The following CFAP54 variants were observed in gnomAD, a reference collection of about 807,000 sequenced individuals.
The protein encoded by CFAP54 is cilia- and flagella-associated protein 54.
Under a neutral mutation model 370.4 loss-of-function variants are expected in CFAP54, and 290 were observed. The observed-to-expected ratio is 0.78, with a 90% CI of 0.71 to 0.86. CFAP54 has a LOEUF of 0.86. Among genes scored for constraint, CFAP54 ranks in the 40% least tolerant of loss-of-function variants. The pLI is 0.00. For synonymous variants in CFAP54, 1,206 were observed against 1,236.5 expected, an observed-to-expected ratio of 0.98 and a Z score of 0.52; for missense variants, 3,399 against 3,528.7, an observed-to-expected ratio of 0.96 and a Z score of 0.93.
intron 2 of CFAP54, among the ~76,000 whole-genome samples, chr12:96,501,480 G>A (rs1396625887): frequency 2.0e-5 from 3 of 152,198 alleles, no homozygotes; most frequent in African/African-American, 7.2e-5. Flanking sequence ...ATGAGTTTGT[G>A]TCCTTCTTTT....
At chr12:96,676,784 C>T (rs1957213909) in intron 39 of CFAP54, among the ~76,000 whole-genome samples, 1 of 152,002 alleles carries the variant, frequency 6.6e-6, no homozygotes, top group African/African-American at 2.4e-5. Flanking sequence ...GCCTTGGCCT[C>T]CCAAAGAGCT....
chr12:96,811,675 G>A (rs1250910085), intron 63 of CFAP54, 61 bp from the exon 64 acceptor site: 1 of 869,080 alleles, frequency 1.2e-6, no homozygotes, highest in Admixed American at 3.2e-5. Flanking sequence ...TAATGCTGTA[G>A]TTTTTGAGCT....
At chr12:96,553,254 C>G (rs758277926) in intron 15 of CFAP54, among the ~76,000 whole-genome samples, 3 of 151,976 alleles carry the variant, frequency 2.0e-5, no homozygotes, top group Non-Finnish European at 4.4e-5. Flanking sequence ...GTTACATATA[C>G]CAGCAGGAAT....
Position 96,576,745 on chromosome 12 carries a change from T to C in CFAP54, c.2780T>C (p.Phe927Ser). 1 of 1,534,898 alleles carries C rather than the reference T, an allele frequency of 6.5e-7. No individual in the cohort carries two copies. The highest frequency in any genetic ancestry group is 1.4e-5 in the African/African-American group (1 of 73,064). ...HCSVTLKPAP[F>S]TSEVKVSWYC... ...TCTGTGACACTCAAACCTGCTCCAT[T>C]TACTTCAGAGGTTAAGGTATGGTGT... The change falls in exon 20 of 68, where the codon TTT becomes TCT. Residue 927 changes from phenylalanine (F) to serine (S), a missense_variant. Phe to Ser is a radical substitution (Grantham distance 155, BLOSUM62 -2). Transcript: ENST00000524981.
Position 96,679,588 on chromosome 12 carries a change from C to T in CFAP54, c.5564-12C>T. On this transcript the variant is annotated splice_polypyrimidine_tract_variant and intron_variant, in intron 39 of 67. Coordinates refer to ENST00000524981, the MANE Select transcript of CFAP54 (RefSeq NM_001306084.2). ...ATTTCATCCCCAATATTCCGCTTTTCTTTCCTTTCAGAATACAGCCGAGCC... is the reference window on the plus strand; with the variant it reads ...ATTTCATCCCCAATATTCCGCTTTTTTTTCCTTTCAGAATACAGCCGAGCC... 6.2e-7 allele frequency: 1 copy of T among 1,604,836 alleles called. No homozygotes were observed. Among genetic ancestry groups the T allele is most frequent in the Non-Finnish European group, 8.5e-7 (1 of 1,175,566 alleles).
chr12:96,495,392 C>G (rs1173483404), intron 1 of CFAP54, among the ~76,000 whole-genome samples: 1 of 151,776 alleles, frequency 6.6e-6, no homozygotes, highest in Non-Finnish European at 1.5e-5. Context: ...ACTGCTACGT[C>G]TGCCTCCCGG....
chr12:96,561,001 A>G (rs1035555266), intron 17 of CFAP54, among the ~76,000 whole-genome samples: 2 of 152,192 alleles, frequency 1.3e-5, no homozygotes, highest in Non-Finnish European at 2.9e-5. Context: ...ACTATGGATC[A>G]GATTCCTTTT....
chr12:96,570,392 A>G (rs61940438), intron 19 of CFAP54, among the ~76,000 whole-genome samples: 8,991 of 151,116 alleles, frequency 0.059, 351 homozygotes, highest in African/African-American at 0.077. Context: ...TTTGACTCCC[A>G]GGCTTCAAAC....
At chr12:96,724,173 T>A (rs1353337069) in intron 50 of CFAP54, among the ~76,000 whole-genome samples, 4 of 150,722 alleles carry the variant, frequency 2.7e-5, no homozygotes, top group Non-Finnish European at 5.9e-5. Flanking sequence ...TGATTTATAG[T>A]CCTTTGGGTA....
At chr12:96,692,165 CT>C (rs1184829991) in intron 44 of CFAP54, among the ~76,000 whole-genome samples, 10 of 151,932 alleles carry the variant, frequency 6.6e-5, no homozygotes, top group African/African-American at 1.9e-4. Flanking sequence ...TTATTGCCCC[CT>C]GATATGAATT....
At chr12:96,675,949 G>A (rs140220159) in intron 39 of CFAP54, among the ~76,000 whole-genome samples, 5,967 of 151,302 alleles carry the variant, frequency 0.039, 312 homozygotes, top group African/African-American at 0.11. Flanking sequence ...GGGGTGGGGG[G>A]CAGGGGAGGG....
intron 66 of CFAP54, among the ~76,000 whole-genome samples, chr12:96,859,012 G>A (rs561525062): frequency 5.1e-4 from 77 of 152,120 alleles, no homozygotes; most frequent in Non-Finnish European, 9.0e-4. Context: ...ACTACACTAC[G>A]GGACTACAGT....
At chr12:96,548,044 T>G (rs1955659011) in intron 15 of CFAP54, 66 bp downstream of exon 15, 1 of 675,060 alleles carries the variant, frequency 1.5e-6, no homozygotes, top group Non-Finnish European at 2.4e-6. Context: ...ATATTAAATT[T>G]GTAAATGCAT....
At chr12:96,568,406 C>T (rs1021102164) in intron 19 of CFAP54, among the ~76,000 whole-genome samples, 9 of 151,926 alleles carry the variant, frequency 5.9e-5, no homozygotes, top group Admixed American at 4.6e-4. Context: ...AGGAACATGT[C>T]GAATATTTAT....
At chr12:96,682,807 C>T (rs547964208) in intron 40 of CFAP54, among the ~76,000 whole-genome samples, 1 of 152,342 alleles carries the variant, frequency 6.6e-6, no homozygotes, top group African/African-American at 2.4e-5. Flanking sequence ...ACAGAAGAAG[C>T]TTCCAGCCTC....
At chr12:96,738,713 C>T (rs548789530) in intron 50 of CFAP54, among the ~76,000 whole-genome samples, 139 of 147,944 alleles carry the variant, frequency 9.4e-4, no homozygotes, top group African/African-American at 2.8e-3. Context: ...TGGATTCAAG[C>T]GATTCTCCTG....
In CFAP54 at chr12:96,621,421, C is replaced by T. The variant is rs115740025; in HGVS notation, c.3640-169C>T. Among the ~76,000 whole-genome samples the T allele has an allele frequency of 4.7e-3, 717 of 151,154 alleles. 4 individuals are homozygous for T. The highest frequency in any genetic ancestry group is 0.017 in the African/African-American group (680 of 41,140). ...TGAATTATGCATCTTTAGTTGCACT[C>T]AATGTGTTAATACGATCTGGAGGTA... On this transcript the variant is annotated intron_variant, in intron 26 of 67. Transcript: ENST00000524981.
At chr12:96,506,380 A>G (rs57308673) in intron 3 of CFAP54, among the ~76,000 whole-genome samples, 13,610 of 150,942 alleles carry the variant, frequency 0.09, 1,084 homozygotes, top group East Asian at 0.45. Flanking sequence ...TATTTTTGGT[A>G]ATAGGATTTG....
intron 62 of CFAP54, among the ~76,000 whole-genome samples, chr12:96,791,813 A>T (rs548427715): frequency 1.7e-4 from 25 of 149,698 alleles, no homozygotes; most frequent in African/African-American, 5.4e-4. Context: ...AGTGGAAGAG[A>T]TTTGTTGAGT....
Sources: allele counts gnomAD v4.1 joint callset (sites outside exome capture counted in the v4.1 genomes callset), GRCh38; gene constraint gnomAD v4.1.1; transcripts MANE v1.5; gene names NCBI Gene and HGNC (gene_info 2026-07-23, HGNC 2026-07-21).